PRKN: variants seen among roughly 807,000 people sequenced by gnomAD.
PRKN encodes the protein parkin RBR E3 ubiquitin protein ligase.
A neutral mutation model predicts 59.5 loss-of-function variants in PRKN; 56 were observed. The observed-to-expected ratio is 0.94, with a 90% confidence interval of 0.76 to 1.18. The LOEUF (loss-of-function observed/expected upper bound fraction) is 1.18. Among genes scored for constraint, PRKN ranks in the 50% most tolerant of loss-of-function variants. PRKN has a pLI of 0.00. For synonymous variants in PRKN, 250 were observed against 222.1 expected (o/e 1.13, Z -1.12); for missense variants, 657 against 596.4 (o/e 1.10, Z -1.06).
At chr6:162,722,198 T>C (rs1226357082) in intron 1 of PRKN, among the ~76,000 whole-genome samples, 1 of 152,186 alleles carries the variant, frequency 6.6e-6, no homozygotes. Context: ...ACATATGGTA[T>C]AAAGAAATGA....
At chr6:162,423,027 G>C (rs1789059653) in intron 2 of PRKN, among the ~76,000 whole-genome samples, 1 of 150,520 alleles carries the variant, frequency 6.6e-6, no homozygotes, top group African/African-American at 2.4e-5. Context: ...TCGCTTTCTG[G>C]ATTCTTTGCC....
At chr6:161,822,167 G>A (rs80095271) in intron 6 of PRKN, among the ~76,000 whole-genome samples, 2 of 152,182 alleles carry the variant, frequency 1.3e-5, no homozygotes, top group East Asian at 3.9e-4. Context: ...TATTTAATGG[G>A]ACATGCGGTC....
At chr6:161,634,503 G>A (rs1783440966) in intron 7 of PRKN, among the ~76,000 whole-genome samples, 1 of 152,224 alleles carries the variant, frequency 6.6e-6, no homozygotes, top group Non-Finnish European at 1.5e-5. Context: ...CACACAGCTA[G>A]TAAGCACTAG....
rs920097007 is a variant in PRKN, at chr6:161,545,095, C to T, written c.1083+3759G>A. 40 of 1,177,626 alleles carry T rather than the reference C, an allele frequency of 3.4e-5. No individual in the cohort carries two copies. In the African/African-American group the frequency reaches 5.6e-4, roughly 16 times the overall value. The allele number at this position is 1,177,626 out of a possible 1,614,324, so 72.9% of individuals were successfully genotyped here. On this transcript the variant is annotated intron_variant, in intron 9 of 11. Coordinates refer to ENST00000366898, the MANE Select transcript of PRKN (RefSeq NM_004562.3). This position sits in a 1 kb window ranked among gnomAD's most constrained non-coding sequence, Gnocchi z 4.1. ...TGTCTAGCTCCGAACAATTTTAAAT[C>T]CCACAAATGACAGAGAATTTGGTTT...
intron 4 of PRKN, among the ~76,000 whole-genome samples, chr6:162,135,348 C>T (rs1260942846): frequency 1.3e-5 from 2 of 152,046 alleles, no homozygotes; most frequent in Admixed American, 6.6e-5. Flanking sequence ...CTTTTATTCC[C>T]GATTAGTTGT....
rs1342039382 is a variant in PRKN, at chr6:161,371,454, T to G, written c.1168-11249A>C. Among the ~76,000 whole-genome samples the G allele has an allele frequency of 6.8e-6, 1 of 146,496 alleles. No individual in the cohort carries two copies. The highest frequency in any genetic ancestry group is 1.5e-5 in the Non-Finnish European group (1 of 66,528). On this transcript the variant is annotated intron_variant, in intron 10 of 11. Coordinates refer to ENST00000366898, the MANE Select transcript of PRKN (RefSeq NM_004562.3). The surrounding 1 kb of genome is among the most constrained non-coding windows in gnomAD (Gnocchi z 5.5). ...TGCTTGGATTACAGGTGTGAGCCAC[T>G]GCGCCCGGCCTATTTTGTTATTTTT...
chr6:162,190,558 C>T (rs1007695262), intron 4 of PRKN, among the ~76,000 whole-genome samples: 5 of 152,144 alleles, frequency 3.3e-5, no homozygotes, highest in African/African-American at 9.7e-5. Context: ...TTAACCTCTC[C>T]GTTTCCCACC....
chr6:162,555,578 T>G (rs1406668571), intron 1 of PRKN, among the ~76,000 whole-genome samples: 1 of 151,990 alleles, frequency 6.6e-6, no homozygotes, highest in Non-Finnish European at 1.5e-5. Flanking sequence ...TTAAATACAC[T>G]CAAGATATGT....
At chr6:162,149,644 A>G (rs1782177600) in intron 4 of PRKN, among the ~76,000 whole-genome samples, 1 of 152,124 alleles carries the variant, frequency 6.6e-6, no homozygotes, top group African/African-American at 2.4e-5. Context: ...GAGGCCAAAA[A>G]GTGAGTGCAG....
In PRKN at chr6:161,949,246, T is replaced by G. The variant is rs1201029387; in HGVS notation, c.734+24056A>C. ...AAAACTCCAGGCTGGGAGTGGTGGC[T>G]CACGCCAGTAATCCCAGCACTTTGG... is the stretch of plus-strand genomic sequence containing the variant. On this transcript the variant is annotated intron_variant, in intron 6 of 11. Coordinates refer to ENST00000366898, the MANE Select transcript of PRKN (RefSeq NM_004562.3). Among the ~76,000 whole-genome samples the G allele has an allele frequency of 2.0e-5, 3 of 152,210 alleles. No homozygotes were observed. In the South Asian group the frequency reaches 6.2e-4, roughly 31 times the overall value.
At chr6:161,630,277 A>G (rs530028407) in intron 7 of PRKN, among the ~76,000 whole-genome samples, 14 of 152,188 alleles carry the variant, frequency 9.2e-5, no homozygotes, top group African/African-American at 3.4e-4. Context: ...AGCACCCACC[A>G]ATAACTCCCT....
intron 9 of PRKN, among the ~76,000 whole-genome samples, chr6:161,481,807 A>C (rs946834158): frequency 6.6e-6 from 1 of 152,136 alleles, no homozygotes; most frequent in Non-Finnish European, 1.5e-5. Flanking sequence ...AGAACACATT[A>C]GTGAATTGGC....
At chr6:162,389,181 G>A (rs1230817490) in intron 2 of PRKN, among the ~76,000 whole-genome samples, 1 of 152,036 alleles carries the variant, frequency 6.6e-6, no homozygotes, top group Admixed American at 6.6e-5. Context: ...AGCTCAGTGA[G>A]GGTGGTGTGC....
chr6:162,506,854 C>T lies in PRKN; in HGVS notation c.8-63381G>A, dbSNP rs540951031. On this transcript the variant is annotated intron_variant, in intron 1 of 11. Coordinates refer to ENST00000366898, the MANE Select transcript of PRKN (RefSeq NM_004562.3). ...GCGCATCACAGTGGACTTAAGGGGCCGAGGAGAAGAGACAAGGTTGGCACT... is the reference window on the plus strand; with the variant it reads ...GCGCATCACAGTGGACTTAAGGGGCTGAGGAGAAGAGACAAGGTTGGCACT... Among the ~76,000 whole-genome samples the T allele has an allele frequency of 2.4e-4, 36 of 151,944 alleles. 1 individual carries two copies. In the South Asian group the frequency reaches 5.0e-3, roughly 21 times the overall value.
In PRKN at chr6:161,413,281, C is replaced by G. The variant is rs1232445694; in HGVS notation, c.1084-26404G>C. On this transcript the variant is annotated intron_variant, in intron 9 of 11. Coordinates refer to ENST00000366898, the MANE Select transcript of PRKN (RefSeq NM_004562.3). This position sits in a 1 kb window ranked among gnomAD's most constrained non-coding sequence, Gnocchi z 4.4. ...GGTCTGTAAGACTCCCCGTGACATT[C>G]CTGTTCCTTGTTCCACTGCCAGGGT... 6.6e-6 allele frequency among the ~76,000 whole-genome samples: 1 copy of G among 152,130 alleles called. No individual in the cohort carries two copies. The highest frequency in any genetic ancestry group is 2.4e-5 in the African/African-American group (1 of 41,394).
At chr6:161,759,545 G>A (rs1317079204) in intron 7 of PRKN, among the ~76,000 whole-genome samples, 1 of 152,164 alleles carries the variant, frequency 6.6e-6, no homozygotes, top group Non-Finnish European at 1.5e-5. Flanking sequence ...CAATAAAGCT[G>A]AATGGCATGA....
intron 2 of PRKN, among the ~76,000 whole-genome samples, chr6:162,391,289 T>C (rs952417334): frequency 6.6e-6 from 1 of 151,580 alleles, no homozygotes; most frequent in Non-Finnish European, 1.5e-5. Flanking sequence ...AATGACTTCC[T>C]CCTGGAAGAT....
chr6:161,946,186 A>G (rs984269494), intron 6 of PRKN, among the ~76,000 whole-genome samples: 3 of 152,110 alleles, frequency 2.0e-5, no homozygotes, highest in Admixed American at 2.0e-4. Context: ...TCAATAAAGG[A>G]CAGTTTTTTA....
At chr6:162,224,583 C>T (rs1481725322) in intron 3 of PRKN, among the ~76,000 whole-genome samples, 11 of 152,132 alleles carry the variant, frequency 7.2e-5, no homozygotes, top group South Asian at 2.1e-4. Flanking sequence ...AAGCTTGATG[C>T]GTGCCGTCAT....
Sources: allele counts gnomAD v4.1 joint callset (sites outside exome capture counted in the v4.1 genomes callset), GRCh38; gene constraint gnomAD v4.1.1; non-coding constraint Gnocchi (gnomAD v3.1); transcripts MANE v1.5; gene names NCBI Gene and HGNC (gene_info 2026-07-23, HGNC 2026-07-21).